PDSS1: variants seen among roughly 807,000 people sequenced by gnomAD.
PDSS1 encodes the protein decaprenyl diphosphate synthase subunit 1, also known as all trans-polyprenyl-diphosphate synthase PDSS1.
Under a neutral mutation model 57.5 loss-of-function variants are expected in PDSS1, and 43 were observed. The ratio of observed to expected loss-of-function variants is 0.75; its 90% CI spans 0.59 to 0.96. The LOEUF (loss-of-function observed/expected upper bound fraction) is 0.96, where lower values mean the gene tolerates loss of function less well. Ranked by LOEUF, PDSS1 falls within the 50% of genes least tolerant of loss-of-function variation. PDSS1 has a pLI of 0.00. For missense variants in PDSS1, 438 were observed against 527.8 expected (o/e 0.83, Z 1.67); for synonymous variants, 175 against 191.3 (o/e 0.91, Z 0.70).
chr10:26,723,650 G>A (rs1835855944), intron 6 of PDSS1, among the ~76,000 whole-genome samples, 156 bp from the exon 7 acceptor site: 1 of 152,076 alleles, frequency 6.6e-6, no homozygotes, highest in African/African-American at 2.4e-5. Context: ...GTAACTGATT[G>A]TTACGGACTC....
At chr10:26,701,147 C>G (rs1374741879) in intron 1 of PDSS1, among the ~76,000 whole-genome samples, 1 of 152,168 alleles carries the variant, frequency 6.6e-6, no homozygotes, top group African/African-American at 2.4e-5. Context: ...ATCTGTGGAA[C>G]TTTGAGCCTG....
chr10:26,716,134 C>T (rs1835566070), intron 5 of PDSS1, among the ~76,000 whole-genome samples: 1 of 152,196 alleles, frequency 6.6e-6, no homozygotes, highest in South Asian at 2.1e-4. Flanking sequence ...GGTGAATGAG[C>T]AGTGGCTGGG....
At chr10:26,728,080 G>A (rs1836023972) in intron 8 of PDSS1, among the ~76,000 whole-genome samples, 1 of 152,216 alleles carries the variant, frequency 6.6e-6, no homozygotes, top group Admixed American at 6.5e-5. Context: ...GTCGGGCCGG[G>A]CACAGTGGCT....
chr10:26,717,549 A>G (rs1195026824), intron 5 of PDSS1: 1 of 152,224 alleles, frequency 6.6e-6, no homozygotes, highest in Non-Finnish European at 1.5e-5. Context: ...ACATTTTTAG[A>G]TGGATATATA....
intron 4 of PDSS1, among the ~76,000 whole-genome samples, chr10:26,707,622 C>T (rs940015533): frequency 6.6e-6 from 1 of 152,318 alleles, no homozygotes; most frequent in Non-Finnish European, 1.5e-5. Flanking sequence ...GGTTCATCAC[C>T]TCCAGCTCAC....
chr10:26,736,152 T>C (rs1360066241), intron 10 of PDSS1, among the ~76,000 whole-genome samples: 1 of 152,208 alleles, frequency 6.6e-6, no homozygotes, highest in Non-Finnish European at 1.5e-5. Context: ...TTCTCCGGAT[T>C]GAGGGACTGA....
intron 10 of PDSS1, among the ~76,000 whole-genome samples, chr10:26,738,057 C>G (rs1010331996): frequency 6.6e-6 from 1 of 152,144 alleles, no homozygotes; most frequent in African/African-American, 2.4e-5. Context: ...TATAAGTTGC[C>G]TTCTAATAAA....
chr10:26,746,542 T>G lies in PDSS1; in HGVS notation c.*69T>G. The G allele has an allele frequency of 6.6e-7, 1 of 1,524,490 alleles. No individual in the cohort carries two copies. The highest frequency in any genetic ancestry group is 2.3e-5 in the East Asian group (1 of 44,386). The allele number at this position is 1,524,490 out of a possible 1,614,324, so 94.4% of individuals were successfully genotyped here. On this transcript the variant is annotated 3_prime_UTR_variant, in exon 12 of 12. Coordinates refer to ENST00000376215, the MANE Select transcript of PDSS1 (RefSeq NM_014317.5). ...CCTAAAGAATTTTGTGGAATACACT[T>G]TGTTTGCTTCATGTGCAGATAACCA...
intron 10 of PDSS1, chr10:26,740,510 CA>C: frequency 2.4e-6 from 1 of 412,850 alleles, no homozygotes; most frequent in Non-Finnish European, 4.9e-6. Context: ...TGTTCTGACA[CA>C]TATTTTGGTC....
At chr10:26,743,901 G>A (rs1836714024) in intron 11 of PDSS1, among the ~76,000 whole-genome samples, 1 of 147,736 alleles carries the variant, frequency 6.8e-6, no homozygotes. Flanking sequence ...ATAACAGGGG[G>A]AAAAAAAAAC....
intron 2 of PDSS1, among the ~76,000 whole-genome samples, chr10:26,702,582 G>A (rs763346339): frequency 3.9e-5 from 6 of 152,226 alleles, no homozygotes; most frequent in Non-Finnish European, 5.9e-5. Flanking sequence ...GTTTCTTGAG[G>A]CCTCCCTAGC....
chr10:26,705,823 A>G (rs1042881114), intron 4 of PDSS1, among the ~76,000 whole-genome samples: 3 of 152,228 alleles, frequency 2.0e-5, no homozygotes, highest in Non-Finnish European at 4.4e-5. Context: ...CAAGTTTCAA[A>G]TGTTTCTTGA....
Position 26,705,328 on chromosome 10 carries a change from A to C in PDSS1, c.270A>C (p.Glu90Asp). The change falls in exon 4 of 12, where the codon GAA becomes GAC. Residue 90 changes from glutamate (E) to aspartate (D), a missense_variant. Transcript: ENST00000376215. ...TTPDSKTHSG[E>D]KYTDPFKLGW... ...CAGACAGTAAAACACACAGTGGTGA[A>C]AAATACACCGATCCTTTCAAACTCG... is the stretch of plus-strand genomic sequence containing the variant. The C allele has an allele frequency of 1.9e-6, 3 of 1,613,280 alleles. No homozygotes were observed. Among genetic ancestry groups the C allele is most frequent in the Non-Finnish European group, 2.5e-6 (3 of 1,179,394 alleles).
At chr10:26,738,940 A>C (rs1836493303) in intron 10 of PDSS1, among the ~76,000 whole-genome samples, 1 of 152,200 alleles carries the variant, frequency 6.6e-6, no homozygotes, top group African/African-American at 2.4e-5. Flanking sequence ...TAAAAACCTC[A>C]TGTTAATTGG....
At chr10:26,742,019 G>C (rs1211724200) in intron 10 of PDSS1, among the ~76,000 whole-genome samples, 1 of 152,180 alleles carries the variant, frequency 6.6e-6, no homozygotes, top group African/African-American at 2.4e-5. Flanking sequence ...GGGATTACAG[G>C]CGTGCACCAT....
intron 10 of PDSS1, among the ~76,000 whole-genome samples, chr10:26,739,070 ATT>A (rs1156990085): frequency 2.0e-5 from 3 of 152,012 alleles, no homozygotes; most frequent in Non-Finnish European, 4.4e-5. Flanking sequence ...TCTCTTCCTT[ATT>A]TGATAAGTCA....
intron 4 of PDSS1, among the ~76,000 whole-genome samples, chr10:26,708,863 C>T (rs1564419067): frequency 6.6e-6 from 1 of 152,074 alleles, no homozygotes; most frequent in Non-Finnish European, 1.5e-5. Flanking sequence ...ACTTTGCCAC[C>T]CTACCCATCA....
At chr10:26,714,004 G>A (rs1197446120) in intron 5 of PDSS1, among the ~76,000 whole-genome samples, 1 of 152,052 alleles carries the variant, frequency 6.6e-6, no homozygotes, top group African/African-American at 2.4e-5. Context: ...AGCTTCTCCT[G>A]CTACCCAGTC....
intron 5 of PDSS1, among the ~76,000 whole-genome samples, chr10:26,719,847 C>G (rs1468169826): frequency 6.6e-6 from 1 of 152,134 alleles, no homozygotes; most frequent in East Asian, 1.9e-4. Context: ...TGCTTCTCAC[C>G]TATCTTCCCT....
Sources: gnomAD v4.1 joint callset for allele counts (sites outside exome capture counted in the v4.1 genomes callset) on GRCh38, gnomAD v4.1.1 for gene constraint, MANE v1.5 for transcripts, NCBI Gene and HGNC (gene_info 2026-07-23, HGNC 2026-07-21) for gene names.